The following CDH18 variants were observed in gnomAD, a reference collection of about 807,000 sequenced individuals.
CDH18 encodes the protein cadherin 18, also known as cadherin-18.
In CDH18, 31 loss-of-function variants were observed where a neutral mutation model predicts 67.9. That is an observed-to-expected ratio of 0.46 (90% CI 0.34 to 0.62). The LOEUF is 0.62. CDH18 is among the 20% of genes least tolerant of loss of function. The pLI is 0.01. For synonymous variants in CDH18, 362 were observed against 347.2 expected (o/e 1.04, Z -0.48); for missense variants, 890 against 975.5 (o/e 0.91, Z 1.17).
chr5:20,410,791 T>C (rs1367242601), intron 1 of CDH18, among the ~76,000 whole-genome samples: 1 of 151,850 alleles, frequency 6.6e-6, no homozygotes, highest in African/African-American at 2.4e-5. Context: ...CTCTTTTCTT[T>C]TTTGGTTTCC....
chr5:20,497,199 T>C (rs1753964406), intron 1 of CDH18, among the ~76,000 whole-genome samples: 1 of 152,080 alleles, frequency 6.6e-6, no homozygotes, highest in African/African-American at 2.4e-5. Flanking sequence ...GGAGTAATCG[T>C]GAACCAGGTT....
chr5:20,305,290 C>A, intron 1 of CDH18: 2 of 1,500,582 alleles, frequency 1.3e-6, no homozygotes, highest in Non-Finnish European at 1.9e-6. Context: ...AAAGCCTCCT[C>A]TACTGTCAGA....
chr5:20,391,760 C>A lies in CDH18; in HGVS notation c.-579-136255G>T, dbSNP rs77276178. On this transcript the variant is annotated intron_variant, in intron 1 of 14. Transcript: ENST00000507958. ...ACCCAGAAATGCCCCGTTAGCTTTA[C>A]TCTCCTTGTTCACAATAGAAACAAA... 9.6e-3 allele frequency among the ~76,000 whole-genome samples: 1,467 copies of A among 152,052 alleles called. 31 individuals carry two copies. Among genetic ancestry groups the A allele is most frequent in the African/African-American group, 0.034 (1,395 of 41,526 alleles).
chr5:20,206,842 T>C (rs6870483), intron 2 of CDH18, among the ~76,000 whole-genome samples: 17,123 of 151,752 alleles, frequency 0.11, 1,365 homozygotes, highest in African/African-American at 0.23. Context: ...GTAGAAGGAG[T>C]ATATCTCAAA....
At chr5:20,264,366 T>G (rs1044043446) in intron 1 of CDH18, among the ~76,000 whole-genome samples, 2 of 152,106 alleles carry the variant, frequency 1.3e-5, no homozygotes, top group African/African-American at 4.8e-5. Flanking sequence ...AGCATAATTA[T>G]TACACAATTA....
At chr5:19,559,496 C>T (rs995336489) in intron 8 of CDH18, among the ~76,000 whole-genome samples, 4 of 151,966 alleles carry the variant, frequency 2.6e-5, no homozygotes, top group Non-Finnish European at 5.9e-5. Context: ...TTAAAACACT[C>T]ATCAAAAACA....
chr5:19,758,751 A>G, intron 3 of CDH18, among the ~76,000 whole-genome samples: 1 of 152,184 alleles, frequency 6.6e-6, no homozygotes, highest in East Asian at 1.9e-4. Flanking sequence ...CACCACTGGA[A>G]CCCTAGAAAT....
chr5:19,737,163 A>G (rs997060368), intron 4 of CDH18, among the ~76,000 whole-genome samples: 1 of 151,850 alleles, frequency 6.6e-6, no homozygotes, highest in Non-Finnish European at 1.5e-5. Context: ...TTCTATATCC[A>G]ATTGCTGTGT....
intron 1 of CDH18, chr5:20,305,312 C>T (rs2149976790): frequency 1.3e-6 from 2 of 1,568,626 alleles, no homozygotes; most frequent in Non-Finnish European, 1.8e-6. Context: ...TCGAATCCAA[C>T]ATTTCTGCGC....
intron 1 of CDH18, among the ~76,000 whole-genome samples, chr5:20,479,974 G>T (rs1752682140): frequency 6.6e-6 from 1 of 151,986 alleles, no homozygotes; most frequent in Non-Finnish European, 1.5e-5. Context: ...AGGAGAGAGT[G>T]GCATGACATA....
intron 2 of CDH18, among the ~76,000 whole-genome samples, chr5:19,994,772 G>A (rs1183153022): frequency 1.0e-5 from 1 of 98,536 alleles, no homozygotes; most frequent in African/African-American, 4.2e-5. Flanking sequence ...GAGAGAGAGA[G>A]AGAGAGAGAG....
chr5:20,546,018 C>A (rs190193865), intron 1 of CDH18, among the ~76,000 whole-genome samples: 2 of 152,250 alleles, frequency 1.3e-5, no homozygotes, highest in Admixed American at 1.3e-4. Context: ...GAAATTTCTT[C>A]CACTAGATAC....
chr5:19,645,472 T>C (rs1289981583), intron 5 of CDH18, among the ~76,000 whole-genome samples: 2 of 152,278 alleles, frequency 1.3e-5, no homozygotes, highest in South Asian at 2.1e-4. Context: ...AAATAACGGA[T>C]AGTCTGTAGG....
chr5:19,945,758 G>A (rs892214916), intron 2 of CDH18, among the ~76,000 whole-genome samples: 38 of 151,902 alleles, frequency 2.5e-4, no homozygotes, highest in Admixed American at 1.8e-3. Context: ...TAGAAGTGGT[G>A]GAAATGATAG....
chr5:19,690,709 A>G (rs556146173), intron 5 of CDH18, among the ~76,000 whole-genome samples: 37 of 151,852 alleles, frequency 2.4e-4, no homozygotes, highest in African/African-American at 8.4e-4. Flanking sequence ...GACACATACA[A>G]CCTACCAAGA....
intron 5 of CDH18, among the ~76,000 whole-genome samples, chr5:19,661,029 A>AAACC (rs1757092250): frequency 6.6e-6 from 1 of 152,064 alleles, no homozygotes; most frequent in African/African-American, 2.4e-5. Context: ...GGGAAGACAA[A>AAACC]AACCAACCAA....
intron 1 of CDH18, chr5:20,304,118 A>C: frequency 6.2e-7 from 1 of 1,608,688 alleles, no homozygotes. Context: ...CCGAATCAAC[A>C]TGGTGACTGG....
At chr5:19,821,065 G>C (rs949317243) in intron 3 of CDH18, among the ~76,000 whole-genome samples, 1 of 152,024 alleles carries the variant, frequency 6.6e-6, no homozygotes, top group Non-Finnish European at 1.5e-5. Context: ...TCTTACCTAC[G>C]AAGACTACAC....
In CDH18 at chr5:20,179,377, T is replaced by C. The variant is rs192307035; in HGVS notation, c.-518+76067A>G. 4.2e-4 allele frequency among the ~76,000 whole-genome samples: 64 copies of C among 152,270 alleles called. No homozygotes were observed. The East Asian group carries it at 9.9e-3, about 24-fold the overall frequency. On this transcript the variant is annotated intron_variant, in intron 2 of 14. Coordinates refer to the CDH18 transcript ENST00000507958. ...TCAAAACCAGGGAGTGTTTCTAGAA[T>C]TAAAGGAAGACAAACCACAGATATT...
Sources: allele counts gnomAD v4.1 joint callset (sites outside exome capture counted in the v4.1 genomes callset), GRCh38; gene constraint gnomAD v4.1.1; transcripts MANE v1.5; gene names NCBI Gene and HGNC (gene_info 2026-07-23, HGNC 2026-07-21).